Variants in SLC10A7 observed in about 807,000 individuals in gnomAD.
SLC10A7 encodes sodium/bile acid cotransporter 7.
In SLC10A7, 29 loss-of-function variants were observed where a neutral mutation model predicts 43.2. The ratio of observed to expected loss-of-function variants is 0.67; its 90% CI spans 0.50 to 0.92. The LOEUF is 0.92. Ranked by LOEUF, SLC10A7 falls within the 40% of genes least tolerant of loss-of-function variation. The pLI, the probability that SLC10A7 is intolerant of heterozygous loss-of-function variation, is 0.00. For synonymous variants in SLC10A7, 152 were observed against 144.8 expected, an observed-to-expected ratio of 1.05 and a Z score of -0.35; for missense variants, 295 against 403.2, an observed-to-expected ratio of 0.73 and a Z score of 2.30.
At chr4:146,261,424 C>A (rs1728213887) in intron 10 of SLC10A7, among the ~76,000 whole-genome samples, 1 of 149,324 alleles carries the variant, frequency 6.7e-6, no homozygotes, top group South Asian at 2.1e-4. Flanking sequence ...CCCTTTGCCC[C>A]CCCAGCTCCA....
At chr4:146,460,370 C>G (rs1300572882) in intron 4 of SLC10A7, among the ~76,000 whole-genome samples, 1 of 151,988 alleles carries the variant, frequency 6.6e-6, no homozygotes, top group Non-Finnish European at 1.5e-5. Flanking sequence ...TACATTCACA[C>G]AGACTTGTAT....
In SLC10A7 at chr4:146,257,939, ACCT is replaced by A. The variant is rs1727982164; in HGVS notation, c.993+750_993+752del. 2.6e-5 allele frequency among the ~76,000 whole-genome samples: 4 copies of A among 152,188 alleles called. No individual in the cohort carries two copies. In the South Asian group the frequency reaches 8.3e-4, roughly 32 times the overall value. ...TGACACAGGGCACTTGTCATTGGAT[ACCT>A]CTTCTTCCCACACATCTCCTGATAA... On this transcript the variant is annotated intron_variant, in intron 11 of 11. Transcript: ENST00000335472.
At chr4:146,474,853 C>T (rs536231145) in intron 4 of SLC10A7, among the ~76,000 whole-genome samples, 13 of 152,090 alleles carry the variant, frequency 8.5e-5, no homozygotes, top group African/African-American at 2.9e-4. Flanking sequence ...TAAAATGTGC[C>T]TCCCAACCCC....
At chr4:146,468,753 C>T (rs1042790488) in intron 4 of SLC10A7, among the ~76,000 whole-genome samples, 10 of 152,066 alleles carry the variant, frequency 6.6e-5, no homozygotes, top group South Asian at 4.1e-4. Flanking sequence ...TGAGCCACCG[C>T]GCCTGGCCAG....
intron 9 of SLC10A7, among the ~76,000 whole-genome samples, chr4:146,291,276 C>T (rs1730427666): frequency 6.6e-6 from 1 of 152,212 alleles, no homozygotes; most frequent in African/African-American, 2.4e-5. Flanking sequence ...TTCAGACTTA[C>T]CCAATTAAGT....
At chr4:146,269,979 T>C (rs1728794924) in intron 10 of SLC10A7, among the ~76,000 whole-genome samples, 2 of 152,192 alleles carry the variant, frequency 1.3e-5, no homozygotes, top group East Asian at 3.8e-4. Context: ...CCAGTGGTAA[T>C]TTTCCTTTTC....
chr4:146,266,728 T>C (rs1326828958), intron 10 of SLC10A7, among the ~76,000 whole-genome samples: 1 of 152,182 alleles, frequency 6.6e-6, no homozygotes, highest in Non-Finnish European at 1.5e-5. Context: ...TGCCTGAGGC[T>C]GAACAGTGTA....
At chr4:146,495,721 A>G (rs1735824784) in intron 4 of SLC10A7, among the ~76,000 whole-genome samples, 1 of 150,106 alleles carries the variant, frequency 6.7e-6, no homozygotes, top group Admixed American at 6.7e-5. Context: ...ACATTCTTAA[A>G]TTGTCTTTGA....
chr4:146,314,048 A>C (rs1253076009), intron 6 of SLC10A7, among the ~76,000 whole-genome samples: 1 of 152,120 alleles, frequency 6.6e-6, no homozygotes, highest in African/African-American at 2.4e-5. Context: ...ATAACCTGGA[A>C]GGGGCATTCA....
chr4:146,504,082 C>T (rs1226334220), intron 3 of SLC10A7, among the ~76,000 whole-genome samples, 158 bp from the exon 4 acceptor site: 2 of 152,216 alleles, frequency 1.3e-5, no homozygotes, highest in African/African-American at 2.4e-5. Flanking sequence ...CACAAGGCAA[C>T]GTGGCTTACA....
At chr4:146,375,494 T>C (rs1737125613) in intron 5 of SLC10A7, among the ~76,000 whole-genome samples, 2 of 152,180 alleles carry the variant, frequency 1.3e-5, no homozygotes, top group African/African-American at 4.8e-5. Context: ...GTACTTAAAT[T>C]GCAATTTCCC....
intron 4 of SLC10A7, chr4:146,478,368 G>A (rs1046821756): frequency 1.3e-5 from 2 of 152,172 alleles, no homozygotes; most frequent in Admixed American, 1.3e-4. Context: ...TATCAAAATT[G>A]TTTTCAAATT....
At chr4:146,344,559 G>A (rs533633883) in intron 5 of SLC10A7, among the ~76,000 whole-genome samples, 3 of 151,898 alleles carry the variant, frequency 2.0e-5, no homozygotes, top group East Asian at 3.9e-4. Flanking sequence ...GGGGACCTAC[G>A]GGTTCCTAAG....
intron 5 of SLC10A7, chr4:146,442,170 A>G (rs1331437007): frequency 1.0e-6 from 1 of 973,196 alleles, no homozygotes; most frequent in Non-Finnish European, 1.2e-6. Flanking sequence ...AAAAATAATG[A>G]TTAAAAATGC....
rs1245553182 is a variant in SLC10A7, at chr4:146,496,820, G to T, written c.396+7029C>A. Among the ~76,000 whole-genome samples the T allele has an allele frequency of 2.0e-5, 3 of 152,214 alleles. No homozygotes were observed. In the East Asian group the frequency reaches 5.8e-4, roughly 29 times the overall value. On this transcript the variant is annotated intron_variant, in intron 4 of 11. Coordinates refer to ENST00000335472, the MANE Select transcript of SLC10A7 (RefSeq NM_001029998.6). Reference sequence around the variant, plus strand: ...TTGTTAATGTGTCATTTGTTATAGGGATGTCAGCTATGACCCTTGCCATGG... The same window carrying T: ...TTGTTAATGTGTCATTTGTTATAGGTATGTCAGCTATGACCCTTGCCATGG...
chr4:146,286,245 A>ACTGAG (rs1729926216), intron 9 of SLC10A7, among the ~76,000 whole-genome samples: 4 of 92,518 alleles, frequency 4.3e-5, no homozygotes, highest in African/African-American at 8.9e-5. Flanking sequence ...GGTGAGAAGG[A>ACTGAG]TCATGTTTGG....
intron 6 of SLC10A7, among the ~76,000 whole-genome samples, chr4:146,310,961 TG>T (rs1393097985): frequency 7.9e-4 from 3 of 3,808 alleles, no homozygotes; most frequent in Admixed American, 2.9e-3. Flanking sequence ...AGGGGGAGGA[TG>T]GGGGGAGGGG....
At chr4:146,353,416 T>G (rs1735295960) in intron 5 of SLC10A7, among the ~76,000 whole-genome samples, 1 of 143,146 alleles carries the variant, frequency 7.0e-6, no homozygotes, top group Non-Finnish European at 1.5e-5. Flanking sequence ...ACCAAAAAGA[T>G]TCCAGGACCA....
rs529433318 is a variant in SLC10A7 at position 146,386,695 on chromosome 4, A to C, written c.435+56088T>G. 1.2e-4 allele frequency among the ~76,000 whole-genome samples: 19 copies of C among 152,234 alleles called. No individual in the cohort carries two copies. The South Asian group carries it at 2.9e-3, about 23-fold the overall frequency. On this transcript the variant is annotated intron_variant, in intron 5 of 11. Transcript: ENST00000335472. ...TGTACTGTTATCGGCCATATGTCCA[A>C]ATCTTATCCATCCTTCAAAGTCCAC... is the stretch of plus-strand genomic sequence containing the variant.
Sources: allele counts gnomAD v4.1 joint callset (sites outside exome capture counted in the v4.1 genomes callset), GRCh38; gene constraint gnomAD v4.1.1; transcripts MANE v1.5; gene names NCBI Gene and HGNC (gene_info 2026-07-23, HGNC 2026-07-21).